LRRC4C: variants seen among roughly 807,000 people sequenced by gnomAD.
The protein encoded by LRRC4C is leucine rich repeat containing 4C.
A neutral mutation model predicts 33.6 loss-of-function variants in LRRC4C; 5 were observed. The observed-to-expected ratio is 0.15, with a 90% CI of 0.08 to 0.31. The LOEUF is 0.31. Among genes scored for constraint, LRRC4C ranks in the 10% least tolerant of loss-of-function variants. The pLI is 1.00. For synonymous variants in LRRC4C, 329 were observed against 302.0 expected (o/e 1.09, Z -0.93); for missense variants, 560 against 796.7 (o/e 0.70, Z 3.58).
chr11:40,549,474 T>C (rs996351364), intron 3 of LRRC4C, among the ~76,000 whole-genome samples: 4 of 152,182 alleles, frequency 2.6e-5, no homozygotes, highest in African/African-American at 4.8e-5. Flanking sequence ...GAAGTTGAAC[T>C]ACAGAGCCTA....
chr11:40,963,514 C>T (rs1851113656), intron 1 of LRRC4C, among the ~76,000 whole-genome samples: 1 of 151,718 alleles, frequency 6.6e-6, no homozygotes, highest in Non-Finnish European at 1.5e-5. Flanking sequence ...TGAATTTCAA[C>T]AACAATGCTT....
chr11:41,128,327 T>C (rs754895131), intron 1 of LRRC4C, among the ~76,000 whole-genome samples: 1 of 152,104 alleles, frequency 6.6e-6, no homozygotes, highest in Non-Finnish European at 1.5e-5. Flanking sequence ...AAGGAAATGA[T>C]TGAGCTTGGT....
chr11:40,332,688 A>G lies in LRRC4C; in HGVS notation c.-269-12967T>C, dbSNP rs565308455. Among the ~76,000 whole-genome samples the G allele has an allele frequency of 4.6e-5, 7 of 152,330 alleles. No homozygotes were observed. The South Asian group carries it at 1.5e-3, about 32-fold the overall frequency. ...TTCCACTTTCCCACCTAATAAAGCT[A>G]AAGCACATTTAACTCTCTGAACACA... is the stretch of plus-strand genomic sequence containing the variant. On this transcript the variant is annotated intron_variant, in intron 3 of 6. Coordinates refer to ENST00000528697, the MANE Select transcript of LRRC4C (RefSeq NM_001258419.2).
chr11:40,964,691 G>A (rs1223428183), intron 1 of LRRC4C, among the ~76,000 whole-genome samples: 2 of 151,886 alleles, frequency 1.3e-5, no homozygotes, highest in East Asian at 3.9e-4. Flanking sequence ...CCCTACAAAG[G>A]ACATGAACTC....
At chr11:41,119,406 G>A (rs1049725785) in intron 1 of LRRC4C, among the ~76,000 whole-genome samples, 1 of 152,162 alleles carries the variant, frequency 6.6e-6, no homozygotes, top group African/African-American at 2.4e-5. Flanking sequence ...AAACACAAAG[G>A]AGAGCTTGCT....
intron 1 of LRRC4C, among the ~76,000 whole-genome samples, chr11:41,423,727 G>A (rs550282975): frequency 6.6e-6 from 1 of 152,154 alleles, no homozygotes; most frequent in South Asian, 2.1e-4. Flanking sequence ...TAAGACAGTG[G>A]CAGGGAGTCA....
At chr11:41,248,970 A>G (rs1307209576) in intron 1 of LRRC4C, among the ~76,000 whole-genome samples, 1 of 151,990 alleles carries the variant, frequency 6.6e-6, no homozygotes, top group Non-Finnish European at 1.5e-5. Flanking sequence ...TTTAGATTCA[A>G]AATATACTCT....
At chr11:41,341,771 C>A (rs1326680423) in intron 1 of LRRC4C, among the ~76,000 whole-genome samples, 1 of 152,182 alleles carries the variant, frequency 6.6e-6, no homozygotes, top group Non-Finnish European at 1.5e-5. Context: ...AACATAGTTT[C>A]AGGTAAACCA....
chr11:40,676,193 C>CTT (rs999670306), intron 2 of LRRC4C, among the ~76,000 whole-genome samples: 4 of 152,156 alleles, frequency 2.6e-5, no homozygotes, highest in African/African-American at 4.8e-5. Flanking sequence ...ACAACGTTAA[C>CTT]TTTTTGGCTG....
intron 1 of LRRC4C, among the ~76,000 whole-genome samples, chr11:41,008,350 C>T (rs1348388881): frequency 1.3e-5 from 2 of 152,142 alleles, no homozygotes; most frequent in East Asian, 1.9e-4. Flanking sequence ...ATCTGTCCCC[C>T]GTCTCTCTGA....
At chr11:40,862,796 A>T (rs1954166785) in intron 2 of LRRC4C, among the ~76,000 whole-genome samples, 1 of 152,184 alleles carries the variant, frequency 6.6e-6, no homozygotes, top group African/African-American at 2.4e-5. Flanking sequence ...ACAGTCAGGG[A>T]GAAAAGCCAC....
chr11:41,118,275 C>G (rs1942243766), intron 1 of LRRC4C, among the ~76,000 whole-genome samples: 1 of 152,140 alleles, frequency 6.6e-6, no homozygotes, highest in Non-Finnish European at 1.5e-5. Flanking sequence ...CTTGGCTTCC[C>G]TCTTACATTA....
At chr11:40,312,527 G>A (rs1945365563) in intron 4 of LRRC4C, among the ~76,000 whole-genome samples, 1 of 152,074 alleles carries the variant, frequency 6.6e-6, no homozygotes, top group Admixed American at 6.5e-5. Context: ...TAAGTAGACT[G>A]GGTTAAGTAA....
intron 3 of LRRC4C, among the ~76,000 whole-genome samples, chr11:40,624,775 G>A (rs906796601): frequency 2.6e-5 from 4 of 152,196 alleles, no homozygotes; most frequent in South Asian, 2.1e-4. Flanking sequence ...ACACTGAATT[G>A]AAGATCTAAG....
At chr11:40,661,931 C>T (rs779496498) in intron 2 of LRRC4C, among the ~76,000 whole-genome samples, 13 of 152,156 alleles carry the variant, frequency 8.5e-5, no homozygotes, top group Non-Finnish European at 1.8e-4. Context: ...GAATGAAATC[C>T]ATGTTGCAGA....
At chr11:40,936,850 A>C (rs1240311269) in intron 1 of LRRC4C, among the ~76,000 whole-genome samples, 3 of 152,284 alleles carry the variant, frequency 2.0e-5, no homozygotes, top group East Asian at 1.9e-4. Flanking sequence ...ACAGCTTTCT[A>C]ACACAAAAAC....
chr11:40,378,467 T>C (rs1053824696), intron 3 of LRRC4C, among the ~76,000 whole-genome samples: 2 of 152,094 alleles, frequency 1.3e-5, no homozygotes, highest in African/African-American at 4.8e-5. Context: ...ATTTTATTAA[T>C]ACTGACTCTT....
At chr11:41,441,077 T>C (rs1484510811) in intron 1 of LRRC4C, among the ~76,000 whole-genome samples, 1 of 152,158 alleles carries the variant, frequency 6.6e-6, no homozygotes, top group Non-Finnish European at 1.5e-5. Context: ...CTTCTGTTTT[T>C]AAGGACTATT....
At chr11:40,884,175 G>A (rs1342124739) in intron 2 of LRRC4C, among the ~76,000 whole-genome samples, 1 of 151,928 alleles carries the variant, frequency 6.6e-6, no homozygotes, top group Non-Finnish European at 1.5e-5. Context: ...TTGGTTTTCT[G>A]TTCTTGTATT....
Sources: allele counts gnomAD v4.1 joint callset (sites outside exome capture counted in the v4.1 genomes callset), GRCh38; gene constraint gnomAD v4.1.1; transcripts MANE v1.5; gene names NCBI Gene and HGNC (gene_info 2026-07-23, HGNC 2026-07-21).